Variants in LRRC8A observed in about 807,000 individuals in gnomAD.
The protein encoded by LRRC8A is volume-regulated anion channel subunit LRRC8A.
LRRC8A carries 24 observed loss-of-function variants against 52.5 expected under a neutral mutation model. The ratio of observed to expected loss-of-function variants is 0.46; its 90% confidence interval spans 0.33 to 0.64. The LOEUF is 0.64. Among genes scored for constraint, LRRC8A ranks in the 30% least tolerant of loss-of-function variants. The probability of loss-of-function intolerance (pLI) is 0.02; values close to 1 mark genes in which losing one functional copy is unlikely to be tolerated. For synonymous variants in LRRC8A, 492 were observed against 494.2 expected (o/e 1.00, Z 0.06); for missense variants, 677 against 1,094.7 (o/e 0.62, Z 5.38).
rs984678482 is a variant in LRRC8A at position 128,902,509 on chromosome 9, C to T, written c.-8-4648C>T. 4.6e-5 allele frequency among the ~76,000 whole-genome samples: 7 copies of T among 152,290 alleles called. No homozygotes were observed. Among genetic ancestry groups the T allele is most frequent in the South Asian group, 2.1e-4 (1 of 4,826 alleles). ...GCGAACACACCCCACTCCCTGAACA[C>T]GAGGGAGGTGTTGCAGTATCATTGT... On this transcript the variant is annotated intron_variant, in intron 2 of 3. Transcript: ENST00000372600. The surrounding 1 kb of genome is among the most constrained non-coding windows in gnomAD (Gnocchi z 4.1).
At position 128,898,723 on chromosome 9, in the gene LRRC8A, T is replaced by C. The variant is rs531505894; in HGVS notation, c.-8-8434T>C. ...GTAACTAAGGCTCAGAGAGGTGAAG[T>C]CACCTGCCCAACATCACAAGTAGCA... On this transcript the variant is annotated intron_variant, in intron 2 of 3. Coordinates refer to ENST00000372600, the MANE Select transcript of LRRC8A (RefSeq NM_019594.4). 5.0e-4 allele frequency among the ~76,000 whole-genome samples: 76 copies of C among 152,340 alleles called. No homozygotes were observed. In the Middle Eastern group the frequency reaches 0.014, roughly 27 times the overall value.
In LRRC8A at chr9:128,899,399, C is replaced by CT. The variant is rs1450947133; in HGVS notation, c.-8-7757dup. Among the ~76,000 whole-genome samples, 10 of 152,042 alleles carry CT rather than the reference C, an allele frequency of 6.6e-5. No homozygotes were observed. Among genetic ancestry groups the CT allele is most frequent in the Non-Finnish European group, 1.2e-4 (8 of 68,006 alleles). On this transcript the variant is annotated intron_variant, in intron 2 of 3. Coordinates refer to ENST00000372600, the MANE Select transcript of LRRC8A (RefSeq NM_019594.4). The surrounding 1 kb of genome is among the most constrained non-coding windows in gnomAD (Gnocchi z 4.0). The stretch of plus-strand genomic sequence containing the variant: ...CCCCAAGAAGGGCTCTCGGTGGGGT[C>CT]TGCTCCATCTGAATGGCCCACCCTG...
rs1839656186 is a variant in LRRC8A at position 128,892,311 on chromosome 9, C to T, written c.-9+6190C>T. Among the ~76,000 whole-genome samples the T allele has an allele frequency of 6.6e-6, 1 of 152,116 alleles. No individual in the cohort carries two copies. Among genetic ancestry groups the T allele is most frequent in the Non-Finnish European group, 1.5e-5 (1 of 68,006 alleles). On this transcript the variant is annotated intron_variant, in intron 2 of 3. Coordinates refer to ENST00000372600, the MANE Select transcript of LRRC8A (RefSeq NM_019594.4). This position sits in a 1 kb window ranked among gnomAD's most constrained non-coding sequence, Gnocchi z 5.2. ...CTGCACCTCCAGCCCCACCTGCTGC[C>T]TCTCTCTGCTTGGCTCCGGAGCTGC...
chr9:128,904,034 A>G (rs75190134), intron 2 of LRRC8A, among the ~76,000 whole-genome samples: 2,347 of 146,574 alleles, frequency 0.016, 44 homozygotes, highest in African/African-American at 0.049. Flanking sequence ...TCAAAAAGGG[A>G]AAAAAAAAAA....
At chr9:128,897,647 T>G (rs1009934609) in intron 2 of LRRC8A, among the ~76,000 whole-genome samples, 4 of 151,188 alleles carry the variant, frequency 2.6e-5, no homozygotes, top group Non-Finnish European at 5.9e-5. Flanking sequence ...TGGGTTCAAG[T>G]GATTGTCCTG....
In LRRC8A at chr9:128,907,721, C is replaced by T; in HGVS notation, c.557C>T (p.Ala186Val). 1.9e-6 allele frequency: 3 copies of T among 1,613,578 alleles called. No individual in the cohort carries two copies. Among genetic ancestry groups the T allele is most frequent in the Non-Finnish European group, 2.5e-6 (3 of 1,179,794 alleles). ...GTGGAGGAGAGCGACCCCAAGCCGG[C>T]CTTCAGCAAGATGAATGGGTCCATG... ...TVVEESDPKP[A>V]FSKMNGSMDK... The change falls in exon 3 of 4, where the codon GCC becomes GTC. Residue 186 changes from alanine to valine, a missense_variant. By Grantham distance (64) the Ala-to-Val change is moderately conservative (BLOSUM62 0). Coordinates refer to ENST00000372600, the MANE Select transcript of LRRC8A (RefSeq NM_019594.4). This position sits in a 1 kb window ranked among gnomAD's most constrained non-coding sequence, Gnocchi z 9.3.
At chr9:128,898,620 T>G (rs914660984) in intron 2 of LRRC8A, among the ~76,000 whole-genome samples, 3 of 152,220 alleles carry the variant, frequency 2.0e-5, no homozygotes, top group South Asian at 4.1e-4. Context: ...GCACACTGGA[T>G]GTGTTGAATG....
chr9:128,905,924 G>T (rs1047948587), intron 2 of LRRC8A, among the ~76,000 whole-genome samples: 1 of 152,154 alleles, frequency 6.6e-6, no homozygotes, highest in African/African-American at 2.4e-5. Flanking sequence ...TGCTGTTGCT[G>T]CTGTTTTTAA....
intron 2 of LRRC8A, among the ~76,000 whole-genome samples, chr9:128,897,954 C>CT (rs997349249): frequency 1.6e-4 from 22 of 141,006 alleles, no homozygotes; most frequent in African/African-American, 5.3e-4. Context: ...GAGTGAGACT[C>CT]TGTCTCAAAA....
chr9:128,910,822 A>G (rs1331378428), intron 3 of LRRC8A, among the ~76,000 whole-genome samples: 2 of 152,334 alleles, frequency 1.3e-5, no homozygotes, highest in East Asian at 1.9e-4. Context: ...CGTGCAGCTC[A>G]TAGAGCATTT....
Position 128,907,118 on chromosome 9 carries a change from C to A in LRRC8A, c.-8-39C>A. ...GACCCCTGGTCCTAGGAAAGCCAGG[C>A]CACCCTGTGCTAACCCCCCTCCTAT... On this transcript the variant is annotated intron_variant, in intron 2 of 3. Coordinates refer to ENST00000372600, the MANE Select transcript of LRRC8A (RefSeq NM_019594.4). This position sits in a 1 kb window ranked among gnomAD's most constrained non-coding sequence, Gnocchi z 9.3. 6.6e-7 allele frequency: 1 copy of A among 1,517,988 alleles called. No homozygotes were observed. The highest frequency in any genetic ancestry group is 9.0e-7 in the Non-Finnish European group (1 of 1,113,144). 94.0% of individuals were successfully genotyped at this position (1,517,988 alleles called of 1,614,324 possible). A position where few individuals can be genotyped will look rare whatever the true frequency, so the allele number is the denominator to read the frequency against.
Position 128,889,643 on chromosome 9 carries a change from C to T in LRRC8A, c.-9+3522C>T, listed in dbSNP as rs1175973110. On this transcript the variant is annotated intron_variant, in intron 2 of 3. Transcript: ENST00000372600. ...CCGAGTAGCTGGGACTACAGGTGCC[C>T]GCCACCATGCCCAGCTAATTTTTGT... 4.6e-5 allele frequency among the ~76,000 whole-genome samples: 7 copies of T among 151,742 alleles called. No homozygotes were observed. In the East Asian group the frequency reaches 7.7e-4, roughly 17 times the overall value.
At position 128,907,755 on chromosome 9, in the gene LRRC8A, G is replaced by A. The variant is rs1447579501; in HGVS notation, c.591G>A (p.Lys197=). Residue 197 remains lysine (K), a synonymous_variant, in exon 3 of 4, where the codon AAG becomes AAA. Transcript: ENST00000372600. The surrounding 1 kb of genome is among the most constrained non-coding windows in gnomAD (Gnocchi z 9.3). ...FSKMNGSMDK[K]SSTVSEDVEA... ...AGATGAATGGGTCCATGGACAAAAA[G>A]TCATCGACCGTCAGTGAGGACGTGG... is the stretch of plus-strand genomic sequence containing the variant. 1 of 1,613,760 alleles carries A rather than the reference G, an allele frequency of 6.2e-7. No homozygotes were observed. Among genetic ancestry groups the A allele is most frequent in the Non-Finnish European group, 8.5e-7 (1 of 1,179,868 alleles).
At position 128,911,911 on chromosome 9, in the gene LRRC8A, C is replaced by T. The variant is rs1323085133; in HGVS notation, c.2157+2590C>T. On this transcript the variant is annotated intron_variant, in intron 3 of 3. Transcript: ENST00000372600. The surrounding 1 kb of genome is among the most constrained non-coding windows in gnomAD (Gnocchi z 4.9). ...GCCTGAGCCCCTCTTCCTCCTCACT[C>T]GGGCTTGATGGCTCCTTCTCAGCCA... Among the ~76,000 whole-genome samples, 2 of 152,262 alleles carry T rather than the reference C, an allele frequency of 1.3e-5. No homozygotes were observed. The highest frequency in any genetic ancestry group is 1.3e-4 in the Admixed American group (2 of 15,290).
At chr9:128,890,658 C>T (rs756739442) in intron 2 of LRRC8A, among the ~76,000 whole-genome samples, 1 of 152,168 alleles carries the variant, frequency 6.6e-6, no homozygotes, top group Non-Finnish European at 1.5e-5. Flanking sequence ...CTCTGTCAGA[C>T]CCCCCAGTCC....
chr9:128,891,319 A>G (rs149063854), intron 2 of LRRC8A, among the ~76,000 whole-genome samples: 2 of 150,914 alleles, frequency 1.3e-5, no homozygotes, highest in Non-Finnish European at 3.0e-5. Flanking sequence ...AGTTCCAGCT[A>G]CTTAGAGGTT....
At position 128,911,615 on chromosome 9, in the gene LRRC8A, A is replaced by G. The variant is rs1234521942; in HGVS notation, c.2157+2294A>G. On this transcript the variant is annotated intron_variant, in intron 3 of 3. Coordinates refer to ENST00000372600, the MANE Select transcript of LRRC8A (RefSeq NM_019594.4). The surrounding 1 kb of genome is among the most constrained non-coding windows in gnomAD (Gnocchi z 4.9). The stretch of plus-strand genomic sequence containing the variant: ...TGTCCTCCTGGTTGGGGGAGGGTTC[A>G]AGCCTCCAGCCTGGCTCCCCATCCT... Among the ~76,000 whole-genome samples the G allele has an allele frequency of 6.6e-6, 1 of 152,046 alleles. No individual in the cohort carries two copies. Among genetic ancestry groups the G allele is most frequent in the African/African-American group, 2.4e-5 (1 of 41,376 alleles).
At chr9:128,894,723 G>A (rs1447632601) in intron 2 of LRRC8A, among the ~76,000 whole-genome samples, 5 of 150,836 alleles carry the variant, frequency 3.3e-5, no homozygotes. Context: ...AACCCAGGAG[G>A]TAGAGTTTGC....
At chr9:128,898,283 C>G (rs577221032) in intron 2 of LRRC8A, among the ~76,000 whole-genome samples, 2 of 152,116 alleles carry the variant, frequency 1.3e-5, no homozygotes, top group East Asian at 1.9e-4. Flanking sequence ...GGCAGTGGTG[C>G]GATCTTAGCT....
Sources: allele counts gnomAD v4.1 joint callset (sites outside exome capture counted in the v4.1 genomes callset), GRCh38; gene constraint gnomAD v4.1.1; non-coding constraint Gnocchi (gnomAD v3.1); transcripts MANE v1.5; gene names NCBI Gene and HGNC (gene_info 2026-07-23, HGNC 2026-07-21).